Variants in MYRIP observed in about 807,000 individuals in gnomAD.
MYRIP encodes myosin VIIA and Rab interacting protein.
MYRIP carries 49 observed loss-of-function variants against 98.0 expected under a neutral mutation model. The ratio of observed to expected loss-of-function variants is 0.50; its 90% confidence interval spans 0.40 to 0.63. The LOEUF (loss-of-function observed/expected upper bound fraction) is 0.63, where lower values mean the gene tolerates loss of function less well. Among genes scored for constraint, MYRIP ranks in the 30% least tolerant of loss-of-function variants. The pLI is 0.00. For synonymous variants in MYRIP, 404 were observed against 409.5 expected (o/e 0.99, Z 0.16); for missense variants, 1,004 against 1,058.2 (o/e 0.95, Z 0.71).
At chr3:40,038,320 G>A (rs1031906727) in intron 2 of MYRIP, among the ~76,000 whole-genome samples, 3 of 152,036 alleles carry the variant, frequency 2.0e-5, no homozygotes, top group African/African-American at 7.2e-5. Context: ...TTAAAAGTGA[G>A]TTTACTTTAA....
intron 3 of MYRIP, among the ~76,000 whole-genome samples, chr3:40,149,340 A>G (rs1487662370): frequency 6.6e-6 from 1 of 152,204 alleles, no homozygotes; most frequent in African/African-American, 2.4e-5. Flanking sequence ...CACAGGAAGG[A>G]CACCAAGCCA....
At chr3:40,133,337 A>G (rs145190240) in intron 3 of MYRIP, among the ~76,000 whole-genome samples, 3 of 152,366 alleles carry the variant, frequency 2.0e-5, no homozygotes, top group Admixed American at 6.5e-5. Context: ...TTCCATTTGC[A>G]GAGATCATCT....
At position 40,189,911 on chromosome 3, in the gene MYRIP, A is replaced by C; in HGVS notation, c.1113A>C (p.Lys371Asn). The C allele has an allele frequency of 6.2e-7, 1 of 1,614,086 alleles. No individual in the cohort carries two copies. Among genetic ancestry groups the C allele is most frequent in the Non-Finnish European group, 8.5e-7 (1 of 1,180,000 alleles). ...GAPPPTRLLA[K>N]PKSGTFQALE... is the part of the protein sequence containing the mutation. ...CACCCCCCACCCGACTACTGGCCAAACCTAAGAGCGGGACGTTTCAGGCCC... is the reference window on the plus strand; with the variant it reads ...CACCCCCCACCCGACTACTGGCCAACCCTAAGAGCGGGACGTTTCAGGCCC... Residue 371 changes from lysine to asparagine, a missense_variant, in exon 10 of 17, where the codon AAA becomes AAC. Lys to Asn is a moderately conservative substitution (Grantham distance 94, BLOSUM62 0). Transcript: ENST00000302541.
At chr3:40,247,585 A>G (rs928832137) in intron 13 of MYRIP, among the ~76,000 whole-genome samples, 2 of 152,130 alleles carry the variant, frequency 1.3e-5, no homozygotes, top group African/African-American at 2.4e-5. Flanking sequence ...ATGCAATGGC[A>G]CAATCTTGGC....
At chr3:39,969,431 C>T (rs1945521841) in intron 2 of MYRIP, among the ~76,000 whole-genome samples, 1 of 151,164 alleles carries the variant, frequency 6.6e-6, no homozygotes, top group Non-Finnish European at 1.5e-5. Context: ...CAGCTTTTGC[C>T]CATTCAGTAT....
chr3:39,954,671 T>C (rs1281511908), intron 2 of MYRIP, among the ~76,000 whole-genome samples: 2 of 152,140 alleles, frequency 1.3e-5, no homozygotes, highest in Admixed American at 6.5e-5. Context: ...CGGGGAATGC[T>C]TCTGACGAGT....
At chr3:39,908,212 A>G (rs1559518161) in intron 2 of MYRIP, among the ~76,000 whole-genome samples, 1 of 152,194 alleles carries the variant, frequency 6.6e-6, no homozygotes, top group Admixed American at 6.5e-5. Context: ...AAGGGAGAGC[A>G]GAGGGCAGTG....
intron 1 of MYRIP, among the ~76,000 whole-genome samples, chr3:39,852,924 G>C (rs1942177062): frequency 6.6e-6 from 1 of 152,132 alleles, no homozygotes; most frequent in South Asian, 2.1e-4. Context: ...GGGATTACAG[G>C]CATGCGCCAC....
chr3:40,062,243 T>C (rs9809788), intron 3 of MYRIP, among the ~76,000 whole-genome samples: 44,084 of 152,142 alleles, frequency 0.29, 6,471 homozygotes, highest in East Asian at 0.36. Flanking sequence ...CACATTTAAC[T>C]CTTTAATCTA....
chr3:40,128,811 G>A (rs866302683), intron 3 of MYRIP, among the ~76,000 whole-genome samples: 1 of 152,130 alleles, frequency 6.6e-6, no homozygotes, highest in Non-Finnish European at 1.5e-5. Context: ...AATTGGTCAT[G>A]GATTTTAATT....
intron 2 of MYRIP, among the ~76,000 whole-genome samples, chr3:40,043,815 T>C (rs1335833471): frequency 1.3e-5 from 2 of 152,260 alleles, no homozygotes; most frequent in African/African-American, 4.8e-5. Context: ...AATGTTTTCA[T>C]GCTTTCTCAT....
chr3:39,974,148 T>C (rs367545972), intron 2 of MYRIP, among the ~76,000 whole-genome samples: 11 of 142,766 alleles, frequency 7.7e-5, no homozygotes, highest in East Asian at 3.9e-4. Flanking sequence ...ATTGATAGAC[T>C]GCTAGCAAGA....
intron 2 of MYRIP, among the ~76,000 whole-genome samples, chr3:39,927,964 A>G (rs968441622): frequency 3.3e-5 from 5 of 152,044 alleles, no homozygotes; most frequent in Non-Finnish European, 7.4e-5. Context: ...ACGTAGAGAA[A>G]GCATTTGAAA....
At chr3:39,951,104 A>G (rs1945002891) in intron 2 of MYRIP, among the ~76,000 whole-genome samples, 1 of 152,202 alleles carries the variant, frequency 6.6e-6, no homozygotes, top group Non-Finnish European at 1.5e-5. Flanking sequence ...GTTTTGTCAC[A>G]GATAAGCTAA....
At chr3:39,979,670 A>T (rs1945842191) in intron 2 of MYRIP, among the ~76,000 whole-genome samples, 1 of 150,012 alleles carries the variant, frequency 6.7e-6, no homozygotes, top group South Asian at 2.1e-4. Context: ...AAAAAAAAAC[A>T]AAAAAAAACT....
intron 11 of MYRIP, among the ~76,000 whole-genome samples, chr3:40,218,610 T>TATATATATATA (rs59924117): frequency 1.7e-3 from 10 of 5,976 alleles, no homozygotes; most frequent in Non-Finnish European, 9.4e-3. Flanking sequence ...TATATATATA[T>TATATATATATA]TTTATATATA....
intron 1 of MYRIP, among the ~76,000 whole-genome samples, chr3:39,822,934 T>G (rs1941148315): frequency 6.6e-6 from 1 of 151,936 alleles, no homozygotes; most frequent in Non-Finnish European, 1.5e-5. Context: ...TCTTTACCCA[T>G]TAACCTGATG....
chr3:40,025,229 T>TCC (rs374562201), intron 2 of MYRIP, among the ~76,000 whole-genome samples: 11 of 152,220 alleles, frequency 7.2e-5, no homozygotes, highest in African/African-American at 2.4e-4. Context: ...ATTAAAATGG[T>TCC]CCCCTCCATT....
intron 3 of MYRIP, among the ~76,000 whole-genome samples, chr3:40,050,952 G>C (rs1947783256): frequency 6.6e-6 from 1 of 152,070 alleles, no homozygotes. Flanking sequence ...GAGAAAACTT[G>C]GACAGGTGAA....
Sources: allele counts gnomAD v4.1 joint callset (sites outside exome capture counted in the v4.1 genomes callset), GRCh38; gene constraint gnomAD v4.1.1; transcripts MANE v1.5; gene names NCBI Gene and HGNC (gene_info 2026-07-23, HGNC 2026-07-21).